The following PRKG1 variants were observed in gnomAD, a reference collection of about 807,000 sequenced individuals.
The protein encoded by PRKG1 is cGMP-dependent protein kinase 1.
In PRKG1, 35 loss-of-function variants were observed where a neutral mutation model predicts 88.1. The ratio of observed to expected loss-of-function variants is 0.40; its 90% CI spans 0.30 to 0.53. The LOEUF (loss-of-function observed/expected upper bound fraction) is 0.53, where lower values mean the gene tolerates loss of function less well. Ranked by LOEUF, PRKG1 falls within the 20% of genes least tolerant of loss-of-function variation. PRKG1 has a pLI of 0.59. For synonymous variants in PRKG1, 303 were observed against 292.5 expected (o/e 1.04, Z -0.37); for missense variants, 540 against 839.8 (o/e 0.64, Z 4.41).
intron 2 of PRKG1, among the ~76,000 whole-genome samples, chr10:51,309,552 T>C (rs1157347753): frequency 6.6e-6 from 1 of 152,210 alleles, no homozygotes; most frequent in Non-Finnish European, 1.5e-5. Context: ...GTTAGCATCT[T>C]ATACCAGTTA....
At chr10:51,808,154 CTGTT>C (rs902493139) in intron 4 of PRKG1, among the ~76,000 whole-genome samples, 2 of 152,070 alleles carry the variant, frequency 1.3e-5, no homozygotes, top group African/African-American at 4.8e-5. Flanking sequence ...TTTTATCTCC[CTGTT>C]TGTTGTTGCT....
intron 1 of PRKG1, among the ~76,000 whole-genome samples, chr10:51,102,513 G>T (rs1181005988): frequency 6.6e-6 from 1 of 152,068 alleles, no homozygotes; most frequent in African/African-American, 2.4e-5. Context: ...GTTCATAAGT[G>T]AATTTAGAAA....
intron 1 of PRKG1, among the ~76,000 whole-genome samples, chr10:51,127,999 T>C (rs7918567): frequency 0.8 from 121,170 of 152,062 alleles, 48,826 homozygotes; most frequent in South Asian, 0.88. Flanking sequence ...AGGACAAATG[T>C]TTAACACATG....
intron 2 of PRKG1, among the ~76,000 whole-genome samples, chr10:51,242,275 G>C (rs1489033403): frequency 6.6e-6 from 1 of 152,132 alleles, no homozygotes; most frequent in Non-Finnish European, 1.5e-5. Flanking sequence ...TTATAAGTAT[G>C]TTCAGAACAA....
At chr10:51,357,698 C>T (rs1588878043) in intron 2 of PRKG1, among the ~76,000 whole-genome samples, 1 of 151,862 alleles carries the variant, frequency 6.6e-6, no homozygotes, top group Non-Finnish European at 1.5e-5. Flanking sequence ...CATAGTCTTT[C>T]ACTACAACTT....
At chr10:51,343,687 C>A (rs1015656165) in intron 2 of PRKG1, among the ~76,000 whole-genome samples, 1 of 152,004 alleles carries the variant, frequency 6.6e-6, no homozygotes, top group African/African-American at 2.4e-5. Context: ...TAAAAAAATT[C>A]TATGAAGCAT....
intron 1 of PRKG1, among the ~76,000 whole-genome samples, chr10:51,134,721 A>G (rs1234267769): frequency 6.6e-6 from 1 of 152,148 alleles, no homozygotes; most frequent in Non-Finnish European, 1.5e-5. Flanking sequence ...AGATATTTGA[A>G]TGACATTATA....
Position 51,354,349 on chromosome 10 carries a change from G to C in PRKG1, c.479-113374G>C, listed in dbSNP as rs576613370. Reference sequence around the variant, plus strand: ...ACCCCACAAAGGATAAATGCTTGAGGGGATGAATACCCAACTTTCTGTGAT... The same window carrying C: ...ACCCCACAAAGGATAAATGCTTGAGCGGATGAATACCCAACTTTCTGTGAT... On this transcript the variant is annotated intron_variant, in intron 2 of 17. Transcript: ENST00000373980. Among the ~76,000 whole-genome samples, 143 of 152,114 alleles carry C rather than the reference G, an allele frequency of 9.4e-4. 2 individuals are homozygous for C. Among genetic ancestry groups the C allele is most frequent in the African/African-American group, 3.1e-3 (127 of 41,522 alleles).
intron 1 of PRKG1, among the ~76,000 whole-genome samples, chr10:51,001,621 A>G (rs1842890360): frequency 6.6e-6 from 1 of 152,230 alleles, no homozygotes; most frequent in South Asian, 2.1e-4. Context: ...GGAATTTGCA[A>G]ACATCCACTT....
At chr10:51,717,659 G>A (rs1841917564) in intron 3 of PRKG1, among the ~76,000 whole-genome samples, 1 of 152,002 alleles carries the variant, frequency 6.6e-6, no homozygotes, top group African/African-American at 2.4e-5. Context: ...GTGAAACCCT[G>A]TCTCTACTAA....
chr10:51,057,534 A>G (rs1000204862), intron 1 of PRKG1, among the ~76,000 whole-genome samples: 1 of 152,270 alleles, frequency 6.6e-6, no homozygotes, highest in South Asian at 2.1e-4. Flanking sequence ...CAGATCCCCA[A>G]AAGCCTTCCT....
At chr10:52,203,499 G>T (rs1839730559) in intron 9 of PRKG1, among the ~76,000 whole-genome samples, 1 of 152,108 alleles carries the variant, frequency 6.6e-6, no homozygotes. Context: ...TGATGTTTTG[G>T]GGTGAAGTGT....
At chr10:52,245,577 C>T (rs1161245969) in intron 9 of PRKG1, among the ~76,000 whole-genome samples, 4 of 152,000 alleles carry the variant, frequency 2.6e-5, no homozygotes, top group Non-Finnish European at 4.4e-5. Flanking sequence ...GAAATAAACT[C>T]AGTCATACAT....
intron 4 of PRKG1, among the ~76,000 whole-genome samples, chr10:51,895,257 T>G (rs1323531179): frequency 6.6e-6 from 1 of 152,156 alleles, no homozygotes; most frequent in Non-Finnish European, 1.5e-5. Context: ...GGATGAGTAG[T>G]GAAGATGACA....
At chr10:51,700,647 C>G (rs538461341) in intron 3 of PRKG1, among the ~76,000 whole-genome samples, 9 of 152,292 alleles carry the variant, frequency 5.9e-5, no homozygotes, top group African/African-American at 2.2e-4. Flanking sequence ...GGACAAGCAG[C>G]TGGAAAGAGG....
chr10:51,811,016 C>A (rs1293197670), intron 4 of PRKG1, among the ~76,000 whole-genome samples: 1 of 152,106 alleles, frequency 6.6e-6, no homozygotes, highest in African/African-American at 2.4e-5. Flanking sequence ...TTTAATTTCT[C>A]TGCACATTTT....
chr10:51,223,811 G>A (rs184613517), intron 2 of PRKG1, among the ~76,000 whole-genome samples: 1 of 152,190 alleles, frequency 6.6e-6, no homozygotes, highest in Admixed American at 6.5e-5. Context: ...AAGTATGTTG[G>A]CTCACAAATA....
intron 5 of PRKG1, among the ~76,000 whole-genome samples, chr10:52,037,252 G>T (rs1038503679): frequency 6.6e-6 from 1 of 152,158 alleles, no homozygotes; most frequent in Non-Finnish European, 1.5e-5. Flanking sequence ...AGGAGGTTCT[G>T]GAGGAGCCTG....
chr10:51,821,459 C>G (rs1322388334), intron 4 of PRKG1, among the ~76,000 whole-genome samples: 1 of 151,730 alleles, frequency 6.6e-6, no homozygotes, highest in Non-Finnish European at 1.5e-5. Context: ...AATTTATGCT[C>G]CTAAAAAATA....
Sources: gnomAD v4.1 joint callset for allele counts (sites outside exome capture counted in the v4.1 genomes callset) on GRCh38, gnomAD v4.1.1 for gene constraint, MANE v1.5 for transcripts, NCBI Gene and HGNC (gene_info 2026-07-23, HGNC 2026-07-21) for gene names.